IL3RA: variants seen among roughly 807,000 people sequenced by gnomAD.
IL3RA encodes interleukin 3 receptor subunit alpha.
In IL3RA, 73 loss-of-function variants were observed where a neutral mutation model predicts 52.3. That is an observed-to-expected ratio of 1.40 (90% confidence interval 1.16 to 1.70). The LOEUF is 1.70. Ranked by LOEUF, IL3RA falls within the 40% of genes most tolerant of loss-of-function variation. The probability of loss-of-function intolerance (pLI) is 0.00; values close to 1 mark genes in which losing one functional copy is unlikely to be tolerated. For synonymous variants in IL3RA, 260 were observed against 194.0 expected (o/e 1.34, Z -2.83); for missense variants, 664 against 504.4 (o/e 1.32, Z -3.03).
intron 9 of IL3RA, among the ~76,000 whole-genome samples, chrX:1,373,921 TC>T: frequency 2.1e-5 from 1 of 47,132 alleles, no homozygotes; most frequent in Non-Finnish European, 3.4e-5. Flanking sequence ...ATCTCAGACC[TC>T]CAGCCTCCAG....
At chrX:1,356,826 T>G (rs1485400782) in intron 7 of IL3RA, among the ~76,000 whole-genome samples, 1 of 152,182 alleles carries the variant, frequency 6.6e-6, no homozygotes, top group Non-Finnish European at 1.5e-5. Flanking sequence ...TTATTTTTAT[T>G]ATTTCTATTG....
At chrX:1,348,392 G>GGTCTCTCAGCAGCCATCATA (rs1373912815) in intron 3 of IL3RA, 39 bp from the exon 4 acceptor site, 1 of 1,454,140 alleles carries the variant, frequency 6.9e-7, no homozygotes, top group Non-Finnish European at 9.7e-7. Context: ...AATTAAGCAT[G>GGTCTCTCAGCAGCCATCATA]GTCTGTCAGC....
chrX:1,368,137 T>C (rs1205620079), intron 9 of IL3RA, among the ~76,000 whole-genome samples: 4 of 152,122 alleles, frequency 2.6e-5, no homozygotes, highest in African/African-American at 9.7e-5. Flanking sequence ...TGGGCGCCTG[T>C]AGTCCCAGCT....
At chrX:1,370,819 C>T (rs1252139779) in intron 9 of IL3RA, among the ~76,000 whole-genome samples, 1 of 78,916 alleles carries the variant, frequency 1.3e-5, no homozygotes, top group Non-Finnish European at 2.3e-5. Flanking sequence ...AGGGAGAAGA[C>T]GGCATCTCCA....
Position 1,353,925 on chromosome X carries a change from T to TCCATCATGGGTCATGGGACCCCCCCCCCC in IL3RA, c.616+1420_616+1448dup, listed in dbSNP as rs2086371932. Reference sequence around the variant, plus strand: ...AGTCATGGGATCCCTCATCATGGGTTCCATCATGGGTCATGGGACCCCCCC... The same window carrying TCCATCATGGGTCATGGGACCCCCCCCCCC: ...AGTCATGGGATCCCTCATCATGGGTTCCATCATGGGTCATGGGACCCCCCCCCCCCCATCATGGGTCATGGGACCCCCCC... On this transcript the variant is annotated intron_variant, in intron 6 of 11. Transcript: ENST00000331035. Among the ~76,000 whole-genome samples the TCCATCATGGGTCATGGGACCCCCCCCCCC allele has an allele frequency of 1.9e-4, 21 of 110,530 alleles. 1 individual carries two copies. The highest frequency in any genetic ancestry group is 2.5e-4 in the Non-Finnish European group (14 of 55,148). The allele number at this position is 110,530 out of a possible 152,430, so 72.5% of individuals were successfully genotyped here.
At chrX:1,339,699 G>A (rs1325252547) in intron 1 of IL3RA, among the ~76,000 whole-genome samples, 12 of 152,084 alleles carry the variant, frequency 7.9e-5, no homozygotes, top group African/African-American at 2.9e-4. Context: ...GGCTGAGGCA[G>A]GAGAATCGCT....
intron 1 of IL3RA, among the ~76,000 whole-genome samples, chrX:1,337,753 C>A: frequency 7.0e-6 from 1 of 142,946 alleles, no homozygotes; most frequent in East Asian, 2.1e-4. Flanking sequence ...AGCCCTCATA[C>A]CCATCTATAG....
intron 10 of IL3RA, among the ~76,000 whole-genome samples, chrX:1,380,221 T>A (rs2089078209): frequency 6.7e-6 from 1 of 148,356 alleles, no homozygotes; most frequent in Admixed American, 6.8e-5. Flanking sequence ...AGAGATGGAG[T>A]TTCTCCATGT....
intron 1 of IL3RA, among the ~76,000 whole-genome samples, chrX:1,338,032 C>T (rs1210389826): frequency 6.8e-6 from 1 of 147,760 alleles, no homozygotes; most frequent in East Asian, 2.0e-4. Context: ...ATAATGTGGT[C>T]CAGACACACA....
chrX:1,348,910 C>T (rs1479927134), intron 4 of IL3RA, among the ~76,000 whole-genome samples: 2 of 147,770 alleles, frequency 1.4e-5, no homozygotes, highest in Non-Finnish European at 3.0e-5. Flanking sequence ...TGCCTCACTC[C>T]CTTCCTTCCT....
At chrX:1,351,965 A>G (rs2086105765) in intron 4 of IL3RA, 135 bp from the exon 5 acceptor site, 1 of 1,102,444 alleles carries the variant, frequency 9.1e-7, no homozygotes, top group Non-Finnish European at 1.3e-6. Context: ...GGGTTTCTCC[A>G]TGTTGGCCAG....
intron 9 of IL3RA, among the ~76,000 whole-genome samples, chrX:1,365,526 A>C (rs747220294): frequency 4.2e-4 from 8 of 18,914 alleles, no homozygotes; most frequent in Admixed American, 2.0e-3. Context: ...GCGCGGGGTG[A>C]GCGGGGTGAG....
chrX:1,378,625 C>G, intron 9 of IL3RA, 34 bp from the exon 10 acceptor site: 1 of 1,583,730 alleles, frequency 6.3e-7, no homozygotes, highest in Non-Finnish European at 8.6e-7. Flanking sequence ...CAGGACGGCC[C>G]CCGGTCTGTG....
At chrX:1,342,886 C>A (rs566794090) in intron 2 of IL3RA, among the ~76,000 whole-genome samples, 1 of 149,906 alleles carries the variant, frequency 6.7e-6, no homozygotes, top group Non-Finnish European at 1.5e-5. Flanking sequence ...ACCAGCCTGA[C>A]TAACACGGTG....
chrX:1,347,881 A>C lies in IL3RA; in HGVS notation c.184-550A>C, dbSNP rs753397722. On this transcript the variant is annotated intron_variant, in intron 3 of 11. Coordinates refer to ENST00000331035, the MANE Select transcript of IL3RA (RefSeq NM_002183.4). ...GTGAAACCCCGTCTCTACTAAAAAT[A>C]TAAAAATTAGCCGGGCGTGGTGGCG... 2.4e-4 allele frequency among the ~76,000 whole-genome samples: 37 copies of C among 151,118 alleles called. 1 individual carries two copies. The East Asian group carries it at 6.9e-3, about 28-fold the overall frequency.
At chrX:1,359,439 C>T (rs1442414241) in intron 8 of IL3RA, among the ~76,000 whole-genome samples, 4 of 152,070 alleles carry the variant, frequency 2.6e-5, no homozygotes, top group Non-Finnish European at 5.9e-5. Context: ...GTATCTCTTT[C>T]TCTGTCTCTG....
At chrX:1,360,043 C>G (rs866103453) in intron 8 of IL3RA, among the ~76,000 whole-genome samples, 8 of 120,776 alleles carry the variant, frequency 6.6e-5, no homozygotes, top group South Asian at 2.9e-4. Flanking sequence ...CTCTCTCTCT[C>G]TGTCTGTCTC....
Position 1,345,344 on chromosome X carries a change from G to A in IL3RA, c.93G>A (p.Arg31=), listed in dbSNP as rs747205305. 1.2e-6 allele frequency: 2 copies of A among 1,611,158 alleles called. No homozygotes were observed. The highest frequency in any genetic ancestry group is 1.7e-6 in the Non-Finnish European group (2 of 1,178,478). ...EDPNPPITNL[R]MKAKAQQLTW... ...CAAACCCACCAATCACGAACCTAAG[G>A]ATGAAAGCAAAGGCTCAGCAGTTGA... Residue 31 remains arginine, a synonymous_variant, in exon 3 of 12, where the codon AGG becomes AGA. Transcript: ENST00000331035.
rs761055734 is a variant in IL3RA, at chrX:1,365,215, T to C, written c.837T>C (p.Tyr279=). ...AAATAAGAGCCCGGGAAAGAGTGTA[T>C]GAATTCTTGAGCGCCTGGAGCACCC... ...TVQIRARERV[Y]EFLSAWSTPQ... Residue 279 remains tyrosine (Y), a synonymous_variant, in exon 9 of 12, where the codon TAT becomes TAC. Transcript: ENST00000331035. The C allele has an allele frequency of 1.2e-6, 2 of 1,609,714 alleles. No individual in the cohort carries two copies. The highest frequency in any genetic ancestry group is 2.2e-5 in the East Asian group (1 of 44,734).
Sources: gnomAD v4.1 joint callset for allele counts (sites outside exome capture counted in the v4.1 genomes callset) on GRCh38, gnomAD v4.1.1 for gene constraint, MANE v1.5 for transcripts, NCBI Gene and HGNC (gene_info 2026-07-23, HGNC 2026-07-21) for gene names.